Variants in NMBR observed in about 807,000 individuals in gnomAD.
NMBR encodes the protein neuromedin-B receptor.
In NMBR, 16 loss-of-function variants were observed where a neutral mutation model predicts 20.5. The observed-to-expected ratio is 0.78, with a 90% CI of 0.53 to 1.19. NMBR has a LOEUF of 1.19. Ranked by LOEUF, NMBR falls within the 50% of genes most tolerant of loss-of-function variation. The probability of loss-of-function intolerance (pLI) is 0.00; values close to 1 mark genes in which losing one functional copy is unlikely to be tolerated. For missense variants in NMBR, 582 were observed against 499.1 expected (o/e 1.17, Z -1.58); for synonymous variants, 212 against 196.6 (o/e 1.08, Z -0.65).
intron 1 of NMBR, among the ~76,000 whole-genome samples, chr6:142,113,009 AAAAAATGTAAAAGCATT>A (rs1452796909): frequency 3.3e-5 from 5 of 152,092 alleles, no homozygotes; most frequent in Non-Finnish European, 7.4e-5. Context: ...ACAAAACATT[AAAAAATGTAAAAGCATT>A]ATTCCATAAT....
At chr6:142,095,254 G>T (rs1777422935) in intron 1 of NMBR, among the ~76,000 whole-genome samples, 1 of 152,080 alleles carries the variant, frequency 6.6e-6, no homozygotes, top group African/African-American at 2.4e-5. Context: ...AATGCTTCCG[G>T]TTTTTGCCCA....
chr6:142,101,717 C>T (rs1352545580), intron 1 of NMBR, among the ~76,000 whole-genome samples: 1 of 152,140 alleles, frequency 6.6e-6, no homozygotes, highest in African/African-American at 2.4e-5. Flanking sequence ...AATGGCATCT[C>T]ATAATTTTGC....
At chr6:142,132,067 T>C (rs1228142173) in intron 1 of NMBR, among the ~76,000 whole-genome samples, 4 of 152,198 alleles carry the variant, frequency 2.6e-5, no homozygotes, top group Admixed American at 1.3e-4. Flanking sequence ...TCCATGTTTA[T>C]TTGTTCCTAT....
chr6:142,117,803 C>T (rs1053575452), intron 1 of NMBR, among the ~76,000 whole-genome samples: 6 of 151,892 alleles, frequency 4.0e-5, no homozygotes, highest in Non-Finnish European at 8.8e-5. Context: ...TTATAGTATA[C>T]TTCTTTGCCA....
At chr6:142,110,505 G>T (rs1351879112) in intron 1 of NMBR, among the ~76,000 whole-genome samples, 1 of 152,136 alleles carries the variant, frequency 6.6e-6, no homozygotes, top group Non-Finnish European at 1.5e-5. Context: ...GAAATGGAGT[G>T]CATGAAATTT....
chr6:142,115,623 A>ACACTACACTACACTAC (rs58805181), intron 1 of NMBR, among the ~76,000 whole-genome samples: 5 of 151,794 alleles, frequency 3.3e-5, no homozygotes, highest in Admixed American at 6.6e-5. Context: ...GCTAGACCTG[A>ACACTACACTACACTAC]ACTACACTAG....
chr6:142,094,801 A>G (rs971076422), intron 1 of NMBR, among the ~76,000 whole-genome samples: 15 of 152,096 alleles, frequency 9.9e-5, no homozygotes, highest in African/African-American at 3.6e-4. Context: ...ATGTTCTTCC[A>G]TTTCTTTGTA....
chr6:142,107,097 A>G (rs1221799860), intron 1 of NMBR, among the ~76,000 whole-genome samples: 1 of 152,198 alleles, frequency 6.6e-6, no homozygotes, highest in Non-Finnish European at 1.5e-5. Context: ...TGAATAGGGC[A>G]AAGTATTCTC....
chr6:142,114,913 A>G (rs1363569320), intron 1 of NMBR, among the ~76,000 whole-genome samples: 1 of 152,162 alleles, frequency 6.6e-6, no homozygotes. Context: ...AATCTAGAGC[A>G]GTAAAATAAT....
At chr6:142,117,616 T>C (rs1777877538) in intron 1 of NMBR, among the ~76,000 whole-genome samples, 1 of 151,966 alleles carries the variant, frequency 6.6e-6, no homozygotes, top group African/African-American at 2.4e-5. Context: ...CCCAGCAATT[T>C]ACCATGAGGT....
At chr6:142,117,554 T>A (rs1777876526) in intron 1 of NMBR, among the ~76,000 whole-genome samples, 1 of 151,930 alleles carries the variant, frequency 6.6e-6, no homozygotes, top group African/African-American at 2.4e-5. Context: ...GCAGTGAATT[T>A]TCTCTGGTAA....
chr6:142,139,007 A>G (rs764213283), intron 1 of NMBR, among the ~76,000 whole-genome samples: 3 of 152,088 alleles, frequency 2.0e-5, no homozygotes, highest in East Asian at 1.9e-4. Flanking sequence ...TCAGATGTCT[A>G]TTTGGTGGTT....
At position 142,079,042 on chromosome 6, in the gene NMBR, GAGAA is replaced by G. The variant is rs1189640632; in HGVS notation, c.423-143_423-140del. The G allele has an allele frequency of 4.7e-5, 21 of 443,052 alleles. No homozygotes were observed. In the Admixed American group the frequency reaches 6.0e-4, roughly 13 times the overall value. The allele number at this position is 443,052 out of a possible 1,614,324, so 27.4% of individuals were successfully genotyped here. A position where few individuals can be genotyped will look rare whatever the true frequency, so the allele number is the denominator to read the frequency against. ...GGAGAGAGAGAGAAAGAAAGAAAGA[GAGAA>G]AGAAAGAGAGAAAGAGAGAGAGAAA... On this transcript the variant is annotated intron_variant, in intron 2 of 3. Transcript: ENST00000258042.
chr6:142,109,284 C>T (rs112667270), intron 1 of NMBR, among the ~76,000 whole-genome samples: 2 of 152,148 alleles, frequency 1.3e-5, no homozygotes, highest in South Asian at 4.1e-4. Flanking sequence ...TCTGACCCCA[C>T]ATTTCCCTTC....
intron 1 of NMBR, among the ~76,000 whole-genome samples, chr6:142,114,452 C>T (rs1777818057): frequency 6.6e-6 from 1 of 152,000 alleles, no homozygotes; most frequent in Non-Finnish European, 1.5e-5. Flanking sequence ...ATGTCTTTCT[C>T]AAAACCTGTC....
chr6:142,133,956 T>G, intron 1 of NMBR: 1 of 702,602 alleles, frequency 1.4e-6, no homozygotes, highest in South Asian at 1.5e-5. Context: ...AATGAGGCCT[T>G]GCACTTCATT....
chr6:142,127,501 T>C (rs1461554225), intron 1 of NMBR, among the ~76,000 whole-genome samples: 1 of 152,084 alleles, frequency 6.6e-6, no homozygotes, highest in Non-Finnish European at 1.5e-5. Context: ...AATTTTAGGA[T>C]TGTTTTTTCT....
intron 3 of NMBR, 61 bp downstream of exon 3, chr6:142,078,494 A>G (rs1776998065): frequency 1.1e-6 from 1 of 946,446 alleles, no homozygotes; most frequent in Non-Finnish European, 1.6e-6. Context: ...ACAAAATAAA[A>G]CAATAAATAG....
intron 2 of NMBR, among the ~76,000 whole-genome samples, chr6:142,081,797 T>C (rs914433358): frequency 3.3e-5 from 5 of 152,200 alleles, no homozygotes; most frequent in South Asian, 4.1e-4. Context: ...ACTGTGTATA[T>C]TAGCATAGCA....
Sources: allele counts gnomAD v4.1 joint callset (sites outside exome capture counted in the v4.1 genomes callset), GRCh38; gene constraint gnomAD v4.1.1; transcripts MANE v1.5; gene names NCBI Gene and HGNC (gene_info 2026-07-23, HGNC 2026-07-21).